The following TMEM196 variants were observed in gnomAD, a reference collection of about 807,000 sequenced individuals.
The protein encoded by TMEM196 is transmembrane protein 196.
In TMEM196, 17 loss-of-function variants were observed where a neutral mutation model predicts 20.0. The ratio of observed to expected loss-of-function variants is 0.85; its 90% confidence interval spans 0.58 to 1.27. The LOEUF is 1.27. Ranked by LOEUF, TMEM196 falls within the 50% of genes most tolerant of loss-of-function variation. The probability of loss-of-function intolerance (pLI) is 0.00; values close to 1 mark genes in which losing one functional copy is unlikely to be tolerated. For missense variants in TMEM196, 267 were observed against 223.0 expected (o/e 1.20, Z -1.26); for synonymous variants, 113 against 88.9 (o/e 1.27, Z -1.52).
At chr7:19,723,389 T>C (rs1220024949) in intron 4 of TMEM196, among the ~76,000 whole-genome samples, 1 of 152,152 alleles carries the variant, frequency 6.6e-6, no homozygotes, top group African/African-American at 2.4e-5. Flanking sequence ...ACAATGACTT[T>C]CCACTCAAAA....
intron 1 of TMEM196, among the ~76,000 whole-genome samples, chr7:19,734,113 A>G (rs1180443597): frequency 6.6e-6 from 1 of 152,198 alleles, no homozygotes; most frequent in East Asian, 1.9e-4. Context: ...AGGCAACTAC[A>G]GCCCACCACT....
intron 1 of TMEM196, among the ~76,000 whole-genome samples, chr7:19,757,570 C>G (rs920995026): frequency 9.2e-5 from 14 of 151,852 alleles, no homozygotes; most frequent in Non-Finnish European, 1.2e-4. Flanking sequence ...TTTTTAAACC[C>G]TCATGTCCCC....
chr7:19,753,153 G>A (rs1785060195), intron 1 of TMEM196, among the ~76,000 whole-genome samples: 1 of 152,094 alleles, frequency 6.6e-6, no homozygotes, highest in Admixed American at 6.5e-5. Flanking sequence ...TCTCTGCTCA[G>A]ATAAAATCCC....
intron 1 of TMEM196, among the ~76,000 whole-genome samples, chr7:19,744,841 A>G (rs1407769031): frequency 6.6e-6 from 1 of 152,246 alleles, no homozygotes; most frequent in East Asian, 1.9e-4. Context: ...ACTGAAAAGA[A>G]CATTCTTTAA....
chr7:19,725,436 G>C (rs914427631), intron 3 of TMEM196, 78 bp downstream of exon 3: 18 of 1,480,246 alleles, frequency 1.2e-5, no homozygotes, highest in Non-Finnish European at 1.6e-5. Context: ...GTGATCTAAA[G>C]TTTCAAGTTG....
chr7:19,731,181 G>A (rs892259550), intron 1 of TMEM196, among the ~76,000 whole-genome samples: 4 of 151,942 alleles, frequency 2.6e-5, no homozygotes, highest in Non-Finnish European at 5.9e-5. Context: ...GATTATATTC[G>A]GAAAGTATAT....
chr7:19,769,744 A>C (rs1270728796), intron 1 of TMEM196, among the ~76,000 whole-genome samples: 1 of 152,238 alleles, frequency 6.6e-6, no homozygotes, highest in Non-Finnish European at 1.5e-5. Context: ...AAGGAAATAC[A>C]GTATAACAAC....
chr7:19,766,701 T>A (rs1785643223), intron 1 of TMEM196, among the ~76,000 whole-genome samples: 1 of 151,470 alleles, frequency 6.6e-6, no homozygotes, highest in African/African-American at 2.4e-5. Flanking sequence ...CACCTTTAGT[T>A]TGCGTGTGTG....
intron 1 of TMEM196, among the ~76,000 whole-genome samples, chr7:19,754,815 A>G (rs1177132033): frequency 6.6e-6 from 1 of 152,180 alleles, no homozygotes; most frequent in Non-Finnish European, 1.5e-5. Context: ...GAAATTGTGA[A>G]TCTCTCCCAG....
chr7:19,760,352 CTTTTTTTTTTT>C (rs55646735), intron 1 of TMEM196, among the ~76,000 whole-genome samples: 2 of 92,178 alleles, frequency 2.2e-5, no homozygotes, highest in Non-Finnish European at 4.2e-5. Context: ...ATATATTTTC[CTTTTTTTTTTT>C]TTTTTTTTTT....
Position 19,772,559 on chromosome 7 carries a change from G to A in TMEM196, c.138C>T (p.Asp46=). The A allele has an allele frequency of 1.3e-6, 2 of 1,543,842 alleles. No individual in the cohort carries two copies. The highest frequency in any genetic ancestry group is 1.7e-6 in the Non-Finnish European group (2 of 1,144,412). The change falls in exon 1 of 5, where the codon GAC becomes GAT. Residue 46 remains aspartate (D), a synonymous_variant. Transcript: ENST00000405844. The stretch of plus-strand genomic sequence containing the variant: ...ACACCCCGCTCCATACCGGGGACGA[G>A]TCTCCGAGCTGCGGCTTGTGCTCTC... ...ALREHKPQLG[D]SSPFLLCGIC...
intron 1 of TMEM196, among the ~76,000 whole-genome samples, chr7:19,754,888 C>A (rs1463906865): frequency 1.3e-5 from 2 of 152,126 alleles, no homozygotes; most frequent in African/African-American, 2.4e-5. Context: ...TTTTAGCAGG[C>A]ATTTCTTCGG....
At position 19,722,058 on chromosome 7, in the gene TMEM196, A is replaced by G. The variant is rs751588717; in HGVS notation, c.*70T>C. 1.3e-5 allele frequency: 21 copies of G among 1,604,722 alleles called. No homozygotes were observed. Among genetic ancestry groups the G allele is most frequent in the African/African-American group, 5.4e-5 (4 of 74,362 alleles). ...TCATGAAAATCCTAAAAAGTGTTCA[A>G]TTCTTTAAAACATTGATTACACTCT... is the stretch of plus-strand genomic sequence containing the variant. On this transcript the variant is annotated 3_prime_UTR_variant, in exon 5 of 5. Transcript: ENST00000405844.
At chr7:19,742,406 G>T (rs373290506) in intron 1 of TMEM196, among the ~76,000 whole-genome samples, 21 of 152,072 alleles carry the variant, frequency 1.4e-4, no homozygotes, top group African/African-American at 5.1e-4. Context: ...GGAGAGTATG[G>T]TGCCCTTAGA....
intron 1 of TMEM196, among the ~76,000 whole-genome samples, chr7:19,740,920 T>C (rs183327325): frequency 1.3e-5 from 2 of 152,282 alleles, no homozygotes; most frequent in East Asian, 1.9e-4. Flanking sequence ...TTCTTAAATA[T>C]AATGAAGGAT....
chr7:19,772,310 C>A (rs913610642), intron 1 of TMEM196, among the ~76,000 whole-genome samples: 3 of 140,058 alleles, frequency 2.1e-5, no homozygotes, highest in Non-Finnish European at 4.6e-5. Flanking sequence ...TTAAACAAAG[C>A]CATTTAATTT....
In TMEM196 at chr7:19,755,829, G is replaced by A. The variant is rs960975953; in HGVS notation, c.147+16721C>T. 2.0e-5 allele frequency among the ~76,000 whole-genome samples: 3 copies of A among 152,110 alleles called. No individual in the cohort carries two copies. The East Asian group carries it at 5.8e-4, about 29-fold the overall frequency. On this transcript the variant is annotated intron_variant, in intron 1 of 4. Transcript: ENST00000405844. Reference sequence around the variant, plus strand: ...AGATCACTTGCAGCCAGTAGTTTGAGACCAGCCTGGCCCACATGGCAAAAC... The same window carrying A: ...AGATCACTTGCAGCCAGTAGTTTGAAACCAGCCTGGCCCACATGGCAAAAC...
Position 19,773,118 on chromosome 7 carries a change from G to A in TMEM196, c.-422C>T, listed in dbSNP as rs964419846. The A allele has an allele frequency of 2.5e-5, 4 of 158,178 alleles. No homozygotes were observed. The highest frequency in any genetic ancestry group is 9.6e-5 in the African/African-American group (4 of 41,748). 9.8% of individuals were successfully genotyped at this position (158,178 alleles called of 1,614,324 possible). On this transcript the variant is annotated 5_prime_UTR_variant, in exon 1 of 5. Coordinates refer to ENST00000405844, the MANE Select transcript of TMEM196 (RefSeq NM_001363562.2). The stretch of plus-strand genomic sequence containing the variant: ...TCAGCCTACTAGACCCTTTCACAGG[G>A]TCCCTTCTGTTTTATTGCCGAGGAG...
chr7:19,726,928 A>T lies in TMEM196; in HGVS notation c.205-1160T>A, dbSNP rs183361562. Among the ~76,000 whole-genome samples the T allele has an allele frequency of 2.0e-5, 3 of 152,216 alleles. No homozygotes were observed. The East Asian group carries it at 5.8e-4, about 29-fold the overall frequency. On this transcript the variant is annotated intron_variant, in intron 2 of 4. Transcript: ENST00000405844. Reference sequence around the variant, plus strand: ...TGGGTTACTCATTCCCACATCAGTGACATTTTTCATTTCCTGGAAATAATT... The same window carrying T: ...TGGGTTACTCATTCCCACATCAGTGTCATTTTTCATTTCCTGGAAATAATT...
Sources: gnomAD v4.1 joint callset for allele counts (sites outside exome capture counted in the v4.1 genomes callset) on GRCh38, gnomAD v4.1.1 for gene constraint, MANE v1.5 for transcripts, NCBI Gene and HGNC (gene_info 2026-07-23, HGNC 2026-07-21) for gene names.